The following MED13L variants were observed in gnomAD, a reference collection of about 807,000 sequenced individuals.
MED13L encodes mediator of RNA polymerase II transcription subunit 13-like.
Under a neutral mutation model 220.9 loss-of-function variants are expected in MED13L, and 7 were observed. The ratio of observed to expected loss-of-function variants is 0.03; its 90% CI spans 0.02 to 0.06. The LOEUF (loss-of-function observed/expected upper bound fraction) is 0.06. Ranked by LOEUF, MED13L falls within the 10% of genes least tolerant of loss-of-function variation. The probability of loss-of-function intolerance (pLI) is 1.00; values close to 1 mark genes in which losing one functional copy is unlikely to be tolerated. For missense variants in MED13L, 1,965 were observed against 2,760.5 expected, an observed-to-expected ratio of 0.71 and a Z score of 6.46; for synonymous variants, 1,011 against 1,015.2, an observed-to-expected ratio of 1.00 and a Z score of 0.08.
intron 4 of MED13L, among the ~76,000 whole-genome samples, chr12:116,065,264 G>A (rs1054183969): frequency 6.6e-6 from 1 of 152,048 alleles, no homozygotes; most frequent in Non-Finnish European, 1.5e-5. Context: ...CAGTGTGTAC[G>A]TGTGTGTATA....
At chr12:116,229,898 A>G (rs1478414521) in intron 2 of MED13L, among the ~76,000 whole-genome samples, 5 of 152,156 alleles carry the variant, frequency 3.3e-5, no homozygotes, top group African/African-American at 1.2e-4. Flanking sequence ...AATAAAACAG[A>G]AAAACAGAAC....
chr12:116,210,583 A>T lies in MED13L; in HGVS notation c.310+26885T>A, dbSNP rs1056393962. 7.7e-4 allele frequency among the ~76,000 whole-genome samples: 101 copies of T among 130,422 alleles called. 2 individuals are homozygous for T. Among genetic ancestry groups the T allele is most frequent in the Middle Eastern group, 4.2e-3 (1 of 236 alleles). 85.6% of individuals were successfully genotyped at this position (130,422 alleles called of 152,430 possible). On this transcript the variant is annotated intron_variant, in intron 2 of 30. Transcript: ENST00000281928. ...TATATATATATATATATATATATAT[A>T]TTTCTATAGTGGTATCAGAGAGCCC...
intron 1 of MED13L, among the ~76,000 whole-genome samples, chr12:116,274,139 AT>A (rs1346794226): frequency 6.6e-6 from 1 of 152,212 alleles, no homozygotes; most frequent in Non-Finnish European, 1.5e-5. Flanking sequence ...ACACAATGGC[AT>A]TTTTCACACG....
intron 4 of MED13L, among the ~76,000 whole-genome samples, chr12:116,078,582 C>T (rs1270010559): frequency 1.3e-5 from 2 of 152,170 alleles, no homozygotes; most frequent in Non-Finnish European, 2.9e-5. Flanking sequence ...AAATTACATC[C>T]TGCCACCCAT....
chr12:115,968,959 G>C lies in MED13L; in HGVS notation c.6206C>G (p.Ser2069Cys), dbSNP rs200672450. Residue 2069 changes from serine (S) to cysteine (C), a missense_variant, in exon 28 of 31, where the codon TCT becomes TGT. Transcript: ENST00000281928. Reference sequence around the variant, plus strand: ...CCTTACCCGACTATGCTGGAAGTGAGAGCCCACACCAATTCCAGAAGGAGA... The same window carrying C: ...CCTTACCCGACTATGCTGGAAGTGACAGCCCACACCAATTCCAGAAGGAGA... ...PGSPSGIGVG[S>C]HFQHSRSQGE... 1.2e-6 allele frequency: 2 copies of C among 1,614,004 alleles called. No homozygotes were observed. The highest frequency in any genetic ancestry group is 1.3e-5 in the African/African-American group (1 of 74,992).
intron 2 of MED13L, among the ~76,000 whole-genome samples, chr12:116,132,276 T>C (rs1372955470): frequency 1.7e-5 from 2 of 120,776 alleles, no homozygotes; most frequent in East Asian, 4.6e-4. Flanking sequence ...CAATACTTCG[T>C]CTCAAAAAAA....
chr12:116,272,681 CTTCTTCCCAGTGA>C (rs1873479613), intron 1 of MED13L, among the ~76,000 whole-genome samples: 1 of 152,184 alleles, frequency 6.6e-6, no homozygotes, highest in African/African-American at 2.4e-5. Context: ...CCCTACCTAA[CTTCTTCCCAGTGA>C]GTACTTCAAG....
At chr12:116,116,073 G>C (rs1874492601) in intron 2 of MED13L, among the ~76,000 whole-genome samples, 1 of 152,114 alleles carries the variant, frequency 6.6e-6, no homozygotes, top group Admixed American at 6.5e-5. Flanking sequence ...CTGACATACA[G>C]CTCCTAAAAT....
At position 116,253,768 on chromosome 12, in the gene MED13L, T is replaced by G. The variant is rs575146882; in HGVS notation, c.73-16063A>C. ...GGTTTTTTTTGTTTTTTTTTTTTTT[T>G]TTTTTTTTTTTGAGACAGTCTCACT... On this transcript the variant is annotated intron_variant, in intron 1 of 30. Coordinates refer to ENST00000281928, the MANE Select transcript of MED13L (RefSeq NM_015335.5). 4.9e-3 allele frequency among the ~76,000 whole-genome samples: 697 copies of G among 141,050 alleles called. 16 individuals are homozygous for G. Among genetic ancestry groups the G allele is most frequent in the Admixed American group, 0.033 (461 of 14,086 alleles). The allele number at this position is 141,050 out of a possible 152,430, so 92.5% of individuals were successfully genotyped here. A position where few individuals can be genotyped will look rare whatever the true frequency, so the allele number is the denominator to read the frequency against.
intron 4 of MED13L, among the ~76,000 whole-genome samples, chr12:116,058,997 T>C (rs1487814756): frequency 6.6e-6 from 1 of 152,266 alleles, no homozygotes; most frequent in Admixed American, 6.5e-5. Context: ...AAGGTTTCCA[T>C]TTATACATTG....
chr12:116,016,025 T>C (rs189618397), intron 7 of MED13L, among the ~76,000 whole-genome samples: 2 of 152,296 alleles, frequency 1.3e-5, no homozygotes, highest in East Asian at 1.9e-4. Context: ...ATGATACTGG[T>C]TGTTGTTTAC....
chr12:116,043,419 A>G (rs1168940178), intron 4 of MED13L, among the ~76,000 whole-genome samples: 6 of 152,212 alleles, frequency 3.9e-5, no homozygotes, highest in Admixed American at 3.9e-4. Context: ...CGAATAATTT[A>G]GCTTCTACAT....
intron 4 of MED13L, among the ~76,000 whole-genome samples, chr12:116,053,745 A>C (rs1382438265): frequency 1.3e-5 from 2 of 152,172 alleles, no homozygotes; most frequent in Non-Finnish European, 2.9e-5. Context: ...AAAGCTCTGA[A>C]CTTTACAACC....
At chr12:116,122,996 G>A (rs754273713) in intron 2 of MED13L, among the ~76,000 whole-genome samples, 1 of 152,194 alleles carries the variant, frequency 6.6e-6, no homozygotes, top group Non-Finnish European at 1.5e-5. Context: ...CACAATGGCT[G>A]TTATTGACTT....
At chr12:116,240,336 G>A (rs989856179) in intron 1 of MED13L, among the ~76,000 whole-genome samples, 1 of 151,820 alleles carries the variant, frequency 6.6e-6, no homozygotes. Context: ...ACCTCAAGCG[G>A]TCCACCCACC....
intron 7 of MED13L, among the ~76,000 whole-genome samples, chr12:116,016,133 TAGTA>T (rs1317105760): frequency 6.6e-6 from 1 of 152,152 alleles, no homozygotes; most frequent in Non-Finnish European, 1.5e-5. Context: ...CTATTTGACT[TAGTA>T]AGTATATATT....
At position 116,188,911 on chromosome 12, in the gene MED13L, G is replaced by A. The variant is rs1881079385; in HGVS notation, c.310+48557C>T. 2.0e-5 allele frequency among the ~76,000 whole-genome samples: 3 copies of A among 152,046 alleles called. No homozygotes were observed. In the South Asian group the frequency reaches 6.2e-4, roughly 32 times the overall value. On this transcript the variant is annotated intron_variant, in intron 2 of 30. Transcript: ENST00000281928. ...TGTATATCAAGACTTTGTTCCTTTTGTTACCCAGTAGTATTATATTGTATG... is the reference window on the plus strand; with the variant it reads ...TGTATATCAAGACTTTGTTCCTTTTATTACCCAGTAGTATTATATTGTATG...
intron 2 of MED13L, among the ~76,000 whole-genome samples, chr12:116,225,268 G>A (rs1443761934): frequency 6.6e-6 from 1 of 151,996 alleles, no homozygotes; most frequent in Non-Finnish European, 1.5e-5. Flanking sequence ...TTCACAAAAT[G>A]GTATGTGCTT....
chr12:116,068,393 T>A (rs1018290813), intron 4 of MED13L, among the ~76,000 whole-genome samples: 1 of 152,222 alleles, frequency 6.6e-6, no homozygotes, highest in Non-Finnish European at 1.5e-5. Context: ...TCTGTAGAGC[T>A]ATATTTTGCT....
Sources: gnomAD v4.1 joint callset for allele counts (sites outside exome capture counted in the v4.1 genomes callset) on GRCh38, gnomAD v4.1.1 for gene constraint, MANE v1.5 for transcripts, NCBI Gene and HGNC (gene_info 2026-07-23, HGNC 2026-07-21) for gene names.